The following FSD1L variants were observed in gnomAD, a reference collection of about 807,000 sequenced individuals.
The protein encoded by FSD1L is fibronectin type III and SPRY domain containing 1 like.
A neutral mutation model predicts 71.6 loss-of-function variants in FSD1L; 45 were observed. The ratio of observed to expected loss-of-function variants is 0.63; its 90% CI spans 0.49 to 0.81. The LOEUF (loss-of-function observed/expected upper bound fraction) is 0.81, where lower values mean the gene tolerates loss of function less well. Among genes scored for constraint, FSD1L ranks in the 30% least tolerant of loss-of-function variants. FSD1L has a pLI of 0.00. For missense variants in FSD1L, 561 were observed against 618.1 expected (o/e 0.91, Z 0.98); for synonymous variants, 197 against 207.2 (o/e 0.95, Z 0.42).
At chr9:105,503,715 C>T (rs1485618014) in intron 7 of FSD1L, among the ~76,000 whole-genome samples, 1 of 152,194 alleles carries the variant, frequency 6.6e-6, no homozygotes, top group Admixed American at 6.5e-5. Context: ...CACTATCTTT[C>T]ATCTTCCCCT....
chr9:105,503,603 GT>G (rs1833893931), intron 7 of FSD1L, among the ~76,000 whole-genome samples: 1 of 152,186 alleles, frequency 6.6e-6, no homozygotes, highest in South Asian at 2.1e-4. Context: ...ACTATTGCTA[GT>G]TCATCACTGT....
chr9:105,531,658 G>T (rs952954483), intron 10 of FSD1L, among the ~76,000 whole-genome samples: 1 of 152,210 alleles, frequency 6.6e-6, no homozygotes, highest in Non-Finnish European at 1.5e-5. Flanking sequence ...GGTGGAGGAA[G>T]ATTAATGTGC....
intron 7 of FSD1L, among the ~76,000 whole-genome samples, chr9:105,498,241 A>C: frequency 7.4e-6 from 1 of 135,878 alleles, no homozygotes. Context: ...TAGTTTACCA[A>C]GGCGAAAGCT....
At chr9:105,488,331 C>T (rs1008540882) in intron 7 of FSD1L, among the ~76,000 whole-genome samples, 3 of 152,150 alleles carry the variant, frequency 2.0e-5, no homozygotes, top group African/African-American at 7.2e-5. Context: ...ATTTAAGTTT[C>T]CTCCATGTAT....
intron 7 of FSD1L, among the ~76,000 whole-genome samples, chr9:105,490,045 G>T (rs1364793769): frequency 6.6e-6 from 1 of 152,176 alleles, no homozygotes; most frequent in Non-Finnish European, 1.5e-5. Context: ...GGGTCAAATG[G>T]TATTTCTAGT....
rs149627197 is a variant in FSD1L at position 105,530,501 on chromosome 9, T to C, written c.1026-3992T>C. The C allele has an allele frequency of 6.5e-4, 429 of 664,016 alleles. 5 individuals carry two copies. In the East Asian group the frequency reaches 9.1e-3, roughly 14 times the overall value. The allele number at this position is 664,016 out of a possible 1,614,324, so 41.1% of individuals were successfully genotyped here. ...ATGCTTCCCTTTATTTCTTTACTAC[T>C]GGTAAGTTACAAATTTTTAAAAATT... On this transcript the variant is annotated intron_variant, in intron 10 of 13. Transcript: ENST00000481272.
chr9:105,444,368 A>C (rs1412637431), upstream of FSD1L, among the ~76,000 whole-genome samples: 1 of 152,188 alleles, frequency 6.6e-6, no homozygotes, highest in Non-Finnish European at 1.5e-5. Flanking sequence ...GACTCACTGA[A>C]GGCTACGTTG....
chr9:105,503,224 G>A (rs1037164217), intron 7 of FSD1L, among the ~76,000 whole-genome samples: 1 of 151,822 alleles, frequency 6.6e-6, no homozygotes, highest in Non-Finnish European at 1.5e-5. Context: ...CATGAAGGAT[G>A]CATTTAAATC....
intron 13 of FSD1L, among the ~76,000 whole-genome samples, chr9:105,545,566 T>C (rs1032321363): frequency 1.3e-5 from 2 of 151,556 alleles, no homozygotes; most frequent in African/African-American, 4.9e-5. Context: ...GGGTTTGTCA[T>C]AAATAGCTCT....
chr9:105,524,882 A>G, intron 10 of FSD1L: 1 of 1,589,216 alleles, frequency 6.3e-7, no homozygotes, highest in Admixed American at 1.7e-5. Context: ...ATTACAGTGA[A>G]AGTACTGAAC....
upstream of FSD1L, among the ~76,000 whole-genome samples, chr9:105,446,023 T>TAA (rs1223521378): frequency 6.6e-6 from 1 of 151,834 alleles, no homozygotes. Flanking sequence ...TCTGTCCAGT[T>TAA]AAAAAAGGAT....
At position 105,550,254 on chromosome 9, in the gene FSD1L, C is replaced by G. The variant is rs1179620269; in HGVS notation, c.*3771C>G. 6.6e-6 allele frequency: 1 copy of G among 151,796 alleles called. No homozygotes were observed. Among genetic ancestry groups the G allele is most frequent in the Admixed American group, 6.6e-5 (1 of 15,236 alleles). The allele number at this position is 151,796 out of a possible 1,614,324, so 9.4% of individuals were successfully genotyped here. ...GTGTTATAGTTTGCTAAAAAAAAATCAAATTAACTGCATATAAAATGGTTC... is the reference window on the plus strand; with the variant it reads ...GTGTTATAGTTTGCTAAAAAAAAATGAAATTAACTGCATATAAAATGGTTC... On this transcript the variant is annotated 3_prime_UTR_variant, in exon 14 of 14. Transcript: ENST00000481272.
chr9:105,538,544 G>A (rs1836408694), intron 12 of FSD1L, among the ~76,000 whole-genome samples: 1 of 152,168 alleles, frequency 6.6e-6, no homozygotes, highest in African/African-American at 2.4e-5. Flanking sequence ...GATAACAGCT[G>A]TAAGGAGGCC....
intron 10 of FSD1L, chr9:105,530,820 T>G (rs1302583803): frequency 2.1e-6 from 1 of 471,454 alleles, no homozygotes; most frequent in East Asian, 3.6e-5. Flanking sequence ...AATTTAGTAC[T>G]TTGGCTCAGG....
intron 6 of FSD1L, among the ~76,000 whole-genome samples, chr9:105,483,428 GT>G (rs1216548046): frequency 6.6e-6 from 1 of 152,064 alleles, no homozygotes; most frequent in East Asian, 1.9e-4. Flanking sequence ...CACCAGCTCT[GT>G]TTCCTTCCCC....
At chr9:105,532,658 C>G (rs1835969081) in intron 10 of FSD1L, among the ~76,000 whole-genome samples, 1 of 152,180 alleles carries the variant, frequency 6.6e-6, no homozygotes, top group African/African-American at 2.4e-5. Flanking sequence ...TTTAATCTAC[C>G]TATCCACATT....
chr9:105,539,652 C>T (rs892271896), intron 13 of FSD1L, among the ~76,000 whole-genome samples: 3 of 152,110 alleles, frequency 2.0e-5, no homozygotes, highest in Non-Finnish European at 4.4e-5. Context: ...TCAGAAGCCC[C>T]CTCTAGTGCC....
At chr9:105,523,500 AT>A (rs920184340) in intron 10 of FSD1L, 1 of 1,613,014 alleles carries the variant, frequency 6.2e-7, no homozygotes, top group African/African-American at 1.3e-5. Context: ...GGATCCTGAA[AT>A]ACATGCTCAA....
chr9:105,525,926 C>G (rs1835478611), intron 10 of FSD1L: 7 of 1,565,288 alleles, frequency 4.5e-6, no homozygotes, highest in Non-Finnish European at 6.2e-6. Flanking sequence ...TCTGATGATT[C>G]TTTGACCAAA....
Sources: allele counts gnomAD v4.1 joint callset (sites outside exome capture counted in the v4.1 genomes callset), GRCh38; gene constraint gnomAD v4.1.1; transcripts MANE v1.5; gene names NCBI Gene and HGNC (gene_info 2026-07-23, HGNC 2026-07-21).